Variants in KLF8 observed in about 807,000 individuals in gnomAD.
The protein encoded by KLF8 is KLF transcription factor 8.
A neutral mutation model predicts 18.2 loss-of-function variants in KLF8; 10 were observed. The ratio of observed to expected loss-of-function variants is 0.55; its 90% CI spans 0.34 to 0.93. The LOEUF is 0.93. KLF8 is among the 40% of genes least tolerant of loss of function. KLF8 has a pLI of 0.02. For synonymous variants in KLF8, 109 were observed against 97.3 expected, an observed-to-expected ratio of 1.12 and a Z score of -0.71; for missense variants, 264 against 277.9, an observed-to-expected ratio of 0.95 and a Z score of 0.36.
intron 5 of KLF8, among the ~76,000 whole-genome samples, chrX:56,273,115 G>A (rs2067077494): frequency 1.8e-5 from 2 of 111,347 alleles, no homozygotes; most frequent in Non-Finnish European, 3.8e-5. Flanking sequence ...TTTTAACCCA[G>A]TGTATCACAA....
chrX:56,142,295 A>G, the KLF8 span, among the ~76,000 whole-genome samples: 1 of 111,706 alleles, frequency 9.0e-6, no homozygotes, highest in South Asian at 3.8e-4. Flanking sequence ...TCAAAATTAT[A>G]TGTAGCAAAA....
At chrX:56,013,618 G>A in the KLF8 span, among the ~76,000 whole-genome samples, 2 of 111,176 alleles carry the variant, frequency 1.8e-5, no homozygotes, top group Non-Finnish European at 3.8e-5. Flanking sequence ...TTGAATCATG[G>A]GGGTGATTTC....
the KLF8 span, among the ~76,000 whole-genome samples, chrX:56,133,223 T>G: frequency 1.8e-5 from 2 of 111,247 alleles, no homozygotes; most frequent in African/African-American, 3.3e-5. Flanking sequence ...AAAAGAAAAC[T>G]GCAGACTGAT....
the KLF8 span, among the ~76,000 whole-genome samples, chrX:56,077,997 C>G: frequency 8.9e-6 from 1 of 111,991 alleles, no homozygotes; most frequent in South Asian, 3.7e-4. Flanking sequence ...CTTTCGTATC[C>G]TGAGACTTTG....
chrX:56,028,400 G>A, the KLF8 span, among the ~76,000 whole-genome samples: 1 of 111,598 alleles, frequency 9.0e-6, no homozygotes, highest in Admixed American at 9.5e-5. Flanking sequence ...CAGATGACCT[G>A]CTTTCTTTCT....
chrX:55,970,617 G>A, the KLF8 span, among the ~76,000 whole-genome samples: 3 of 111,615 alleles, frequency 2.7e-5, no homozygotes, highest in African/African-American at 9.7e-5. Context: ...AAAGGAAGAT[G>A]TCAAACTGTT....
Position 56,232,690 on chromosome X carries a change from T to C in KLF8, c.-645T>C, listed in dbSNP as rs1037950330. ...ATTTTTTTCCTCCCTTCTTTCTTTT[T>C]AGGAAGGCGCTGGGGTGTGCGGCGG... On this transcript the variant is annotated 5_prime_UTR_variant, in exon 1 of 6. Coordinates refer to ENST00000468660, the MANE Select transcript of KLF8 (RefSeq NM_007250.5). 1 of 111,605 alleles carries C rather than the reference T, an allele frequency of 9.0e-6. No individual in the cohort carries two copies. The highest frequency in any genetic ancestry group is 3.3e-5 in the African/African-American group (1 of 30,660). 9.2% of individuals were successfully genotyped at this position (111,605 alleles called of 1,213,427 possible). A position where few individuals can be genotyped will look rare whatever the true frequency, so the allele number is the denominator to read the frequency against.
At chrX:55,955,846 C>A in the KLF8 span, among the ~76,000 whole-genome samples, 14 of 111,732 alleles carry the variant, frequency 1.3e-4, no homozygotes, top group Non-Finnish European at 2.6e-4. Flanking sequence ...AATGTAGGAG[C>A]TTTAGAACGT....
the KLF8 span, among the ~76,000 whole-genome samples, chrX:55,985,133 A>G: frequency 1.8e-5 from 2 of 111,032 alleles, no homozygotes; most frequent in Non-Finnish European, 3.8e-5. Flanking sequence ...ATATAATTAG[A>G]TCTTATTCAT....
chrX:56,145,792 T>A, the KLF8 span, among the ~76,000 whole-genome samples: 1 of 110,366 alleles, frequency 9.1e-6, no homozygotes, highest in Non-Finnish European at 1.9e-5. Context: ...ACCTACAGAA[T>A]GGGAGAAAGT....
At chrX:55,970,051 G>A in the KLF8 span, among the ~76,000 whole-genome samples, 1 of 110,610 alleles carries the variant, frequency 9.0e-6, no homozygotes, top group East Asian at 2.8e-4. Context: ...AGAAAATAAA[G>A]GATGGAATAC....
the KLF8 span, among the ~76,000 whole-genome samples, chrX:56,100,760 C>T: frequency 8.9e-6 from 1 of 112,036 alleles, no homozygotes; most frequent in Admixed American, 9.5e-5. Flanking sequence ...GAAGCTATTA[C>T]TAAATTGCTG....
chrX:56,195,457 T>C, the KLF8 span, among the ~76,000 whole-genome samples: 1 of 111,725 alleles, frequency 9.0e-6, no homozygotes, highest in African/African-American at 3.3e-5. Flanking sequence ...CAATACCCGA[T>C]TCAATGAAGT....
the KLF8 span, among the ~76,000 whole-genome samples, chrX:56,053,777 C>G: frequency 9.1e-6 from 1 of 109,486 alleles, no homozygotes; most frequent in African/African-American, 3.3e-5. Flanking sequence ...TTTTCTATAT[C>G]TTTTTATTTA....
chrX:56,270,373 CACACACACGA>C (rs1569188835), intron 5 of KLF8, 52 bp downstream of exon 5: 23 of 1,042,352 alleles, frequency 2.2e-5, no homozygotes, highest in Admixed American at 2.9e-5. Flanking sequence ...CACACACACA[CACACACACGA>C]GAGAGAGAGA....
At chrX:56,188,655 C>G in the KLF8 span, among the ~76,000 whole-genome samples, 1 of 111,958 alleles carries the variant, frequency 8.9e-6, no homozygotes, top group Admixed American at 9.5e-5. Context: ...CAGCACGGTA[C>G]TGGTACCAAA....
the KLF8 span, among the ~76,000 whole-genome samples, chrX:55,936,921 C>A: frequency 8.9e-6 from 1 of 112,269 alleles, no homozygotes; most frequent in African/African-American, 3.2e-5. Context: ...AGGACCCTGC[C>A]TGCCTCTGTA....
At chrX:56,058,302 A>ATATG in the KLF8 span, among the ~76,000 whole-genome samples, 1 of 66,507 alleles carries the variant, frequency 1.5e-5, no homozygotes, top group Admixed American at 1.7e-4. Context: ...ATATATATAT[A>ATATG]TATATATATA....
At chrX:56,194,928 C>A in the KLF8 span, among the ~76,000 whole-genome samples, 2 of 112,232 alleles carry the variant, frequency 1.8e-5, no homozygotes, top group Non-Finnish European at 3.8e-5. Flanking sequence ...CTGGTGATAC[C>A]CAGGCAAACA....
Sources: gnomAD v4.1 joint callset for allele counts (sites outside exome capture counted in the v4.1 genomes callset) on GRCh38, gnomAD v4.1.1 for gene constraint, MANE v1.5 for transcripts, NCBI Gene and HGNC (gene_info 2026-07-23, HGNC 2026-07-21) for gene names.